ST7L: variants seen among roughly 807,000 people sequenced by gnomAD.
The protein encoded by ST7L is suppression of tumorigenicity 7 like, also known as suppressor of tumorigenicity 7 protein-like.
Under a neutral mutation model 72.5 loss-of-function variants are expected in ST7L, and 57 were observed. That is an observed-to-expected ratio of 0.79 (90% CI 0.64 to 0.98). ST7L has a LOEUF of 0.98. ST7L is among the 50% of genes least tolerant of loss of function. ST7L has a pLI of 0.00. For synonymous variants in ST7L, 221 were observed against 240.9 expected, an observed-to-expected ratio of 0.92 and a Z score of 0.77; for missense variants, 576 against 672.2, an observed-to-expected ratio of 0.86 and a Z score of 1.58.
At chr1:112,576,096 A>T (rs1663052075) in intron 11 of ST7L, among the ~76,000 whole-genome samples, 1 of 151,900 alleles carries the variant, frequency 6.6e-6, no homozygotes, top group South Asian at 2.1e-4. Flanking sequence ...GTAGAACCCC[A>T]ATTTTTTTTT....
In ST7L at chr1:112,583,992, G is replaced by A; in HGVS notation, c.836C>T (p.Pro279Leu). ...CTTACTCAGTTGAGCTTCATGCTGA[G>A]GACTTTGGTGCTGGCACTGCTGTGA... The part of the protein sequence containing the change: ...RQSQQCQHQS[P>L]QHEAQLRRDT... The change falls in exon 7 of 15, where the codon CCT (proline) becomes CTT (leucine). Residue 279 changes from proline to leucine, a missense_variant. Physicochemically the swap from Pro to Leu is moderately conservative, Grantham distance 98. Around this residue, in one of 3 missense-constraint regions of ST7L, gnomAD observed 511 missense variants for 600.7 expected, o/e 0.85. Transcript: ENST00000358039. 1.2e-6 allele frequency: 2 copies of A among 1,613,984 alleles called. No homozygotes were observed. Among genetic ancestry groups the A allele is most frequent in the African/African-American group, 1.3e-5 (1 of 75,024 alleles).
intron 14 of ST7L, among the ~76,000 whole-genome samples, chr1:112,531,136 C>A (rs1423968279): frequency 2.0e-5 from 3 of 152,190 alleles, no homozygotes; most frequent in African/African-American, 7.2e-5. Context: ...TTCTATTCTT[C>A]TTCACATGAA....
intron 11 of ST7L, among the ~76,000 whole-genome samples, chr1:112,557,676 T>G (rs1239259426): frequency 6.6e-6 from 1 of 152,170 alleles, no homozygotes; most frequent in Non-Finnish European, 1.5e-5. Flanking sequence ...AGGCTAGAAA[T>G]AAACCACTTG....
At chr1:112,530,596 G>A (rs1434525306) in intron 14 of ST7L, among the ~76,000 whole-genome samples, 1 of 152,094 alleles carries the variant, frequency 6.6e-6, no homozygotes, top group African/African-American at 2.4e-5. Context: ...TGTGTTTTTA[G>A]TAGAGACAAG....
At chr1:112,530,753 C>T (rs752736233) in intron 14 of ST7L, among the ~76,000 whole-genome samples, 6 of 152,110 alleles carry the variant, frequency 3.9e-5, no homozygotes, top group Non-Finnish European at 7.4e-5. Context: ...AAAGTCATAT[C>T]CCCAGTGATC....
intron 13 of ST7L, among the ~76,000 whole-genome samples, chr1:112,544,435 C>CA (rs1356121086): frequency 6.6e-6 from 1 of 152,168 alleles, no homozygotes; most frequent in Non-Finnish European, 1.5e-5. Flanking sequence ...AAAAGCACAT[C>CA]AAAATGGAAG....
At chr1:112,526,372 G>T in intron 14 of ST7L, 2 of 374,088 alleles carry the variant, frequency 5.3e-6, no homozygotes, top group Non-Finnish European at 9.7e-6. Flanking sequence ...ATTTTATCTA[G>T]TCCTTTTGAA....
chr1:112,617,934 T>C (rs1351219210), intron 1 of ST7L: 11 of 1,242,018 alleles, frequency 8.9e-6, no homozygotes, highest in Non-Finnish European at 1.1e-5. Flanking sequence ...TAGCTTATTT[T>C]AGAGTGCTAG....
chr1:112,549,986 A>AT (rs1271050313), intron 13 of ST7L, among the ~76,000 whole-genome samples: 1 of 151,824 alleles, frequency 6.6e-6, no homozygotes, highest in Non-Finnish European at 1.5e-5. Context: ...GTTTACTGAG[A>AT]TTTTTTCTTT....
chr1:112,540,775 T>C, intron 14 of ST7L: 1 of 1,275,816 alleles, frequency 7.8e-7, no homozygotes, highest in South Asian at 1.3e-5. Context: ...AGAAAATACA[T>C]TACCAAGTAA....
At chr1:112,586,226 G>A (rs1272486524) in intron 6 of ST7L, among the ~76,000 whole-genome samples, 1 of 152,162 alleles carries the variant, frequency 6.6e-6, no homozygotes, top group African/African-American at 2.4e-5. Flanking sequence ...CCAGTAGTTC[G>A]AGACTAGCCT....
At chr1:112,561,735 C>T (rs1032055931) in intron 11 of ST7L, among the ~76,000 whole-genome samples, 48 of 152,174 alleles carry the variant, frequency 3.2e-4, no homozygotes, top group African/African-American at 1.2e-3. Context: ...CTGCCTTGGC[C>T]TCCCAAAGTG....
intron 6 of ST7L, among the ~76,000 whole-genome samples, chr1:112,586,960 C>A (rs1328254219): frequency 6.6e-6 from 1 of 152,174 alleles, no homozygotes; most frequent in Non-Finnish European, 1.5e-5. Context: ...CCTGGCAATC[C>A]CAAATCTATT....
chr1:112,571,414 T>C (rs941160972), intron 11 of ST7L: 2 of 377,046 alleles, frequency 5.3e-6, no homozygotes, highest in Non-Finnish European at 1.0e-5. Context: ...TCTATCTATC[T>C]ATATATCTAT....
intron 4 of ST7L, among the ~76,000 whole-genome samples, chr1:112,598,930 G>A (rs1666911617): frequency 6.7e-6 from 1 of 149,680 alleles, no homozygotes; most frequent in Non-Finnish European, 1.5e-5. Context: ...TGTGGTAGCG[G>A]CCGCCTGTGA....
chr1:112,590,788 CTA>C (rs1665576745), intron 6 of ST7L, among the ~76,000 whole-genome samples: 1 of 152,088 alleles, frequency 6.6e-6, no homozygotes, highest in African/African-American at 2.4e-5. Flanking sequence ...CTTGACAGAG[CTA>C]TGTTTTACTT....
intron 13 of ST7L, among the ~76,000 whole-genome samples, chr1:112,549,945 A>G (rs868223037): frequency 1.3e-5 from 2 of 152,128 alleles, no homozygotes; most frequent in Non-Finnish European, 2.9e-5. Flanking sequence ...TTTTTTTTAA[A>G]TCAGGTTGAG....
chr1:112,540,352 G>C (rs10776755), intron 14 of ST7L: 548,814 of 985,100 alleles, frequency 0.56, 157,060 homozygotes, highest in African/African-American at 0.88. Context: ...ATTTTTATTC[G>C]ATGCCAGATT....
intron 3 of ST7L, among the ~76,000 whole-genome samples, chr1:112,607,748 TAGA>T (rs1668471183): frequency 2.6e-5 from 4 of 152,038 alleles, no homozygotes; most frequent in African/African-American, 9.6e-5. Flanking sequence ...TGGACGCCAT[TAGA>T]AGATTTTAGA....
Sources: gnomAD v4.1 joint callset for allele counts (sites outside exome capture counted in the v4.1 genomes callset) on GRCh38, gnomAD v4.1.1 for gene constraint, gnomAD v4.1.1 regional missense constraint, MANE v1.5 for transcripts, NCBI Gene and HGNC (gene_info 2026-07-23, HGNC 2026-07-21) for gene names.